Variants in SCIN observed in about 807,000 individuals in gnomAD.
SCIN encodes the protein adseverin.
Under a neutral mutation model 91.8 loss-of-function variants are expected in SCIN, and 91 were observed. The observed-to-expected ratio is 0.99, with a 90% CI of 0.84 to 1.18. The LOEUF (loss-of-function observed/expected upper bound fraction) is 1.18, where lower values mean the gene tolerates loss of function less well. Ranked by LOEUF, SCIN falls within the 50% of genes most tolerant of loss-of-function variation. The probability of loss-of-function intolerance (pLI) is 0.00; values close to 1 mark genes in which losing one functional copy is unlikely to be tolerated. For missense variants in SCIN, 1,087 were observed against 863.9 expected, an observed-to-expected ratio of 1.26 and a Z score of -3.24; for synonymous variants, 367 against 312.6, an observed-to-expected ratio of 1.17 and a Z score of -1.84.
chr7:12,649,483 G>A lies in SCIN; in HGVS notation c.1898G>A (p.Gly633Glu). The A allele has an allele frequency of 6.3e-7, 1 of 1,599,954 alleles. No individual in the cohort carries two copies. Among genetic ancestry groups the A allele is most frequent in the South Asian group, 1.1e-5 (1 of 88,228 alleles). ...TGRFVIEEIP[G>E]EFTQDDLAED... ...ACCTTTCAGATTGAAGAGATTCCAG[G>A]AGAGTTCACCCAGGATGATTTAGCT... The change falls in exon 14 of 16, where the codon GGA becomes GAA. Residue 633 changes from glycine to glutamate, a missense_variant. Gly to Glu is a moderately conservative substitution (Grantham distance 98). Transcript: ENST00000297029.
At chr7:12,580,221 T>C (rs1245513427) in intron 2 of SCIN, among the ~76,000 whole-genome samples, 1 of 152,008 alleles carries the variant, frequency 6.6e-6, no homozygotes, top group Non-Finnish European at 1.5e-5. Context: ...ATACTGTAGC[T>C]CAGTTATTCA....
In SCIN at chr7:12,646,066, A is replaced by T. The variant is rs1247679862; in HGVS notation, c.1881+1361A>T. On this transcript the variant is annotated intron_variant, in intron 13 of 15. Transcript: ENST00000297029. ...TATGGAAATATTATGATCATTGGGC[A>T]AAAATCACAGAAAGCTATATATGCA... is the stretch of plus-strand genomic sequence containing the variant. Among the ~76,000 whole-genome samples the T allele has an allele frequency of 2.0e-5, 3 of 152,232 alleles. No individual in the cohort carries two copies. In the East Asian group the frequency reaches 5.8e-4, roughly 29 times the overall value.
chr7:12,604,422 CT>C, intron 3 of SCIN, 91 bp from the exon 4 acceptor site: 2 of 1,164,332 alleles, frequency 1.7e-6, no homozygotes, highest in South Asian at 1.6e-5. Flanking sequence ...TTTAATTTTC[CT>C]TTTTCTTTCC....
intron 8 of SCIN, 79 bp from the exon 9 acceptor site, chr7:12,629,022 A>G: frequency 1.6e-6 from 2 of 1,264,382 alleles, no homozygotes; most frequent in South Asian, 3.5e-5. Context: ...GATTTGAACC[A>G]AAAATTATTT....
chr7:12,570,766 G>A lies in SCIN; in HGVS notation c.-21G>A, dbSNP rs764568798. ...AGATCAGCGATATCACGCGTCCCCCGGAGCATCGCGTGCAGGAGCCATGGC... is the reference window on the plus strand; with the variant it reads ...AGATCAGCGATATCACGCGTCCCCCAGAGCATCGCGTGCAGGAGCCATGGC... On this transcript the variant is annotated 5_prime_UTR_variant, in exon 1 of 16. Coordinates refer to ENST00000297029, the MANE Select transcript of SCIN (RefSeq NM_001112706.3). 2.6e-6 allele frequency: 4 copies of A among 1,547,238 alleles called. No homozygotes were observed. Among genetic ancestry groups the A allele is most frequent in the East Asian group, 2.4e-5 (1 of 40,842 alleles).
In SCIN at chr7:12,647,854, C is replaced by T. The variant is rs116860227; in HGVS notation, c.1882-1613C>T. 7.1e-3 allele frequency among the ~76,000 whole-genome samples: 1,082 copies of T among 152,152 alleles called. 41 individuals carry two copies. The highest frequency in any genetic ancestry group is 0.054 in the Admixed American group (832 of 15,288). On this transcript the variant is annotated intron_variant, in intron 13 of 15. Transcript: ENST00000297029. ...AGGAACTAGGTTTATCTATGCTGGG[C>T]GCATGTTTTGAGTTTATACATATTT...
At chr7:12,603,082 C>T (rs1018184539) in intron 3 of SCIN, among the ~76,000 whole-genome samples, 52 of 152,174 alleles carry the variant, frequency 3.4e-4, no homozygotes, top group Non-Finnish European at 6.8e-4. Context: ...GTTTTTATAT[C>T]CCATGTTCGA....
intron 9 of SCIN, among the ~76,000 whole-genome samples, chr7:12,634,949 G>T (rs1783717744): frequency 6.6e-6 from 1 of 152,102 alleles, no homozygotes; most frequent in Non-Finnish European, 1.5e-5. Context: ...CACTTTGGGA[G>T]GCCGAGGCGG....
At chr7:12,603,004 G>A (rs1045296908) in intron 3 of SCIN, among the ~76,000 whole-genome samples, 1 of 152,098 alleles carries the variant, frequency 6.6e-6, no homozygotes, top group African/African-American at 2.4e-5. Flanking sequence ...TCACATTTAT[G>A]TTCCTCTGCT....
intron 13 of SCIN, among the ~76,000 whole-genome samples, chr7:12,647,009 T>A (rs537536930): frequency 1.5e-4 from 21 of 137,404 alleles, no homozygotes; most frequent in Non-Finnish European, 3.1e-4. Context: ...ATCTGCTGTT[T>A]TATTGTTTTG....
chr7:12,613,828 C>T (rs1034609586), intron 4 of SCIN, among the ~76,000 whole-genome samples: 3 of 152,056 alleles, frequency 2.0e-5, no homozygotes, highest in African/African-American at 7.2e-5. Context: ...TAGTATTCTG[C>T]TCAGTGGAAA....
At position 12,581,192 on chromosome 7, in the gene SCIN, G is replaced by A. The variant is rs779688539; in HGVS notation, c.487G>A (p.Gly163Ser). Residue 163 changes from glycine to serine, a missense_variant, in exon 3 of 16, where the codon GGT becomes AGT. Coordinates refer to ENST00000297029, the MANE Select transcript of SCIN (RefSeq NM_001112706.3). ...VPLSWDSFNK[G>S]DCFIIDLGTE... ...CCTTAGCTGGGACAGTTTCAACAAG[G>A]GTGACTGCTTCATCATTGACCTTGG... 30 of 1,551,274 alleles carry A rather than the reference G, an allele frequency of 1.9e-5. No individual in the cohort carries two copies. Among genetic ancestry groups the A allele is most frequent in the Non-Finnish European group, 2.4e-5 (28 of 1,146,790 alleles).
At chr7:12,652,074 A>G (rs1030676403) in intron 15 of SCIN, among the ~76,000 whole-genome samples, 173 bp downstream of exon 15, 7 of 152,268 alleles carry the variant, frequency 4.6e-5, no homozygotes, top group Non-Finnish European at 1.0e-4. Context: ...GAGAATTTCC[A>G]AATGGGCACA....
intron 4 of SCIN, among the ~76,000 whole-genome samples, chr7:12,616,094 C>G (rs1783294197): frequency 1.3e-5 from 2 of 152,020 alleles, no homozygotes; most frequent in Admixed American, 6.6e-5. Context: ...CCATTTCTCC[C>G]CTTACCCAAC....
In SCIN at chr7:12,657,327, C is replaced by G. The variant is rs1417864381; in HGVS notation, c.*4612C>G. ...TGCCTCCTGGGTTCAAGCAATCCTC[C>G]CACCTCAGTCTCCCCAGGAGCTGGG... On this transcript the variant is annotated 3_prime_UTR_variant, in exon 16 of 16. Transcript: ENST00000297029. 1.3e-5 allele frequency: 2 copies of G among 148,266 alleles called. No homozygotes were observed. Among genetic ancestry groups the G allele is most frequent in the Admixed American group, 1.4e-4 (2 of 14,792 alleles). 9.2% of individuals were successfully genotyped at this position (148,266 alleles called of 1,614,324 possible).
At chr7:12,593,907 T>C (rs1030505740) in intron 3 of SCIN, among the ~76,000 whole-genome samples, 1 of 152,088 alleles carries the variant, frequency 6.6e-6, no homozygotes, top group South Asian at 2.1e-4. Context: ...GAAGAGAGGA[T>C]AAAGTAGAGA....
At chr7:12,585,310 C>G (rs1039342425) in intron 3 of SCIN, among the ~76,000 whole-genome samples, 1 of 152,264 alleles carries the variant, frequency 6.6e-6, no homozygotes, top group South Asian at 2.1e-4. Flanking sequence ...CCTCACTCCT[C>G]CCCTGGCTTC....
chr7:12,614,036 C>CT (rs1445135646), intron 4 of SCIN, among the ~76,000 whole-genome samples: 2 of 152,172 alleles, frequency 1.3e-5, no homozygotes, highest in Admixed American at 6.5e-5. Flanking sequence ...AAAAATACAT[C>CT]TTAACGATGT....
intron 3 of SCIN, among the ~76,000 whole-genome samples, chr7:12,593,259 G>A (rs190540888): frequency 1.3e-5 from 2 of 152,256 alleles, no homozygotes; most frequent in African/African-American, 4.8e-5. Flanking sequence ...GATAGCCACT[G>A]CTGGAAGCTG....
Sources: gnomAD v4.1 joint callset for allele counts (sites outside exome capture counted in the v4.1 genomes callset) on GRCh38, gnomAD v4.1.1 for gene constraint, MANE v1.5 for transcripts, NCBI Gene and HGNC (gene_info 2026-07-23, HGNC 2026-07-21) for gene names.